DAP: variants seen among roughly 807,000 people sequenced by gnomAD.
DAP encodes the protein death associated protein, also known as death-associated protein 1.
Under a neutral mutation model 13.8 loss-of-function variants are expected in DAP, and 8 were observed. The observed-to-expected ratio is 0.58, with a 90% confidence interval of 0.34 to 1.05. The LOEUF is 1.05. Ranked by LOEUF, DAP falls within the 50% of genes least tolerant of loss-of-function variation. The pLI, the probability that DAP is intolerant of heterozygous loss-of-function variation, is 0.03. For missense variants in DAP, 106 were observed against 133.2 expected (o/e 0.80, Z 1.01); for synonymous variants, 47 against 47.5 (o/e 0.99, Z 0.04).
Position 10,681,129 on chromosome 5 carries a change from T to A in DAP, c.236A>T (p.His79Leu). 5.8e-6 allele frequency: 9 copies of A among 1,549,300 alleles called. No individual in the cohort carries two copies. The highest frequency in any genetic ancestry group is 7.8e-6 in the Non-Finnish European group (9 of 1,150,156). ...GTCCATGGAGGCATGCGGCTTCTGG[T>A]GAGCCACCTGCGCAGCCGCCGGGGG... The part of the protein sequence containing the change: ...DFPPAAAQVA[H>L]QKPHASMDKH... Residue 79 changes from histidine to leucine, a missense_variant, in exon 4 of 4, where the codon CAC becomes CTC. Coordinates refer to ENST00000230895, the MANE Select transcript of DAP (RefSeq NM_004394.3).
intron 3 of DAP, chr5:10,683,260 G>C: frequency 3.7e-6 from 2 of 535,354 alleles, no homozygotes; most frequent in Non-Finnish European, 6.7e-6. Context: ...TTGCTGATGG[G>C]AGTTCACTGG....
At chr5:10,711,314 A>C (rs1360680939) in intron 2 of DAP, among the ~76,000 whole-genome samples, 1 of 152,188 alleles carries the variant, frequency 6.6e-6, no homozygotes, top group Non-Finnish European at 1.5e-5. Flanking sequence ...TCAGAATTTC[A>C]TTTGAACTTT....
chr5:10,709,410 C>T (rs1738785096), intron 2 of DAP, among the ~76,000 whole-genome samples: 1 of 152,168 alleles, frequency 6.6e-6, no homozygotes, highest in African/African-American at 2.4e-5. Context: ...AGGACACTCC[C>T]AGAGTAACGA....
chr5:10,691,884 C>A (rs1457999206), intron 2 of DAP, among the ~76,000 whole-genome samples: 1 of 152,232 alleles, frequency 6.6e-6, no homozygotes, highest in Non-Finnish European at 1.5e-5. Context: ...GTCCATCTGG[C>A]AAGGACCACA....
At chr5:10,684,314 T>C (rs905362288) in intron 2 of DAP, among the ~76,000 whole-genome samples, 4 of 152,110 alleles carry the variant, frequency 2.6e-5, no homozygotes, top group African/African-American at 9.7e-5. Context: ...ACAGGGGAGA[T>C]TCTAGAGCCA....
intron 2 of DAP, among the ~76,000 whole-genome samples, chr5:10,730,375 T>A (rs944813209): frequency 6.6e-6 from 1 of 152,178 alleles, no homozygotes; most frequent in Non-Finnish European, 1.5e-5. Flanking sequence ...CCCTGTCCTA[T>A]ACAAATCTAC....
At chr5:10,751,206 G>A (rs944948762) in intron 1 of DAP, among the ~76,000 whole-genome samples, 2 of 152,028 alleles carry the variant, frequency 1.3e-5, no homozygotes, top group East Asian at 1.9e-4. Context: ...TTCCTTCTTC[G>A]TTTTGGGTTT....
At chr5:10,689,768 C>T (rs1738255682) in intron 2 of DAP, among the ~76,000 whole-genome samples, 1 of 152,154 alleles carries the variant, frequency 6.6e-6, no homozygotes. Flanking sequence ...GATGGCAAGA[C>T]TGAGGGTCTG....
chr5:10,729,857 G>C (rs1739390509), intron 2 of DAP, among the ~76,000 whole-genome samples: 1 of 152,224 alleles, frequency 6.6e-6, no homozygotes, highest in South Asian at 2.1e-4. Context: ...AACTGCCAGA[G>C]CCTGCCTGGC....
chr5:10,704,650 T>C (rs958956052), intron 2 of DAP, among the ~76,000 whole-genome samples: 2 of 152,158 alleles, frequency 1.3e-5, no homozygotes, highest in African/African-American at 4.8e-5. Flanking sequence ...ATAGAACAAA[T>C]GTAATCAGGG....
intron 2 of DAP, among the ~76,000 whole-genome samples, chr5:10,691,969 A>AC (rs1351117636): frequency 1.3e-5 from 2 of 152,228 alleles, no homozygotes; most frequent in African/African-American, 4.8e-5. Flanking sequence ...CTTAATGAAG[A>AC]TTTATACCTT....
chr5:10,708,426 A>G (rs1436234863), intron 2 of DAP, among the ~76,000 whole-genome samples: 1 of 135,140 alleles, frequency 7.4e-6, no homozygotes, highest in Admixed American at 7.9e-5. Context: ...ACAGGCATAC[A>G]CATATACACA....
Position 10,681,181 on chromosome 5 carries a change from C to T in DAP, c.196-12G>A. 6.7e-7 allele frequency: 1 copy of T among 1,485,054 alleles called. No homozygotes were observed. The highest frequency in any genetic ancestry group is 8.9e-7 in the Non-Finnish European group (1 of 1,117,628). The allele number at this position is 1,485,054 out of a possible 1,614,324, so 92.0% of individuals were successfully genotyped here. ...AAATCTTTGTCACCCTGTCAGGAAA[C>T]ACGGAAAGCTCAGGTTAATCAATAG... On this transcript the variant is annotated splice_polypyrimidine_tract_variant and intron_variant, in intron 3 of 3. Transcript: ENST00000230895.
chr5:10,703,410 G>T (rs546542675), intron 2 of DAP, among the ~76,000 whole-genome samples: 18 of 152,152 alleles, frequency 1.2e-4, no homozygotes, highest in African/African-American at 4.3e-4. Context: ...ACAGGCAGGG[G>T]GGGTGTCACC....
chr5:10,731,748 G>C (rs1216879684), intron 2 of DAP, among the ~76,000 whole-genome samples: 1 of 152,220 alleles, frequency 6.6e-6, no homozygotes, highest in African/African-American at 2.4e-5. Flanking sequence ...GGGGCTTCTG[G>C]CGAAGCTTTA....
In DAP at chr5:10,761,133, G is replaced by T. The variant is rs1265196617; in HGVS notation, c.-65C>A. ...GTTCTCGGGCCGGGCGGGCGTGCGC[G>T]AGTGAGCTCAGGTGTGAGCGCCGGG... On this transcript the variant is annotated 5_prime_UTR_variant, in exon 1 of 4. Coordinates refer to ENST00000230895, the MANE Select transcript of DAP (RefSeq NM_004394.3). 2.0e-6 allele frequency: 2 copies of T among 991,260 alleles called. No homozygotes were observed. The highest frequency in any genetic ancestry group is 3.5e-5 in the African/African-American group (2 of 57,880). The allele number at this position is 991,260 out of a possible 1,614,324, so 61.4% of individuals were successfully genotyped here.
At chr5:10,681,610 T>C (rs1467533253) in intron 3 of DAP, among the ~76,000 whole-genome samples, 2 of 136,022 alleles carry the variant, frequency 1.5e-5, no homozygotes, top group Admixed American at 7.5e-5. Context: ...CCCACCAGTG[T>C]CCCTGCAGGA....
chr5:10,688,581 C>CATTA (rs1738215055), intron 2 of DAP, among the ~76,000 whole-genome samples: 1 of 152,270 alleles, frequency 6.6e-6, no homozygotes, highest in African/African-American at 2.4e-5. Flanking sequence ...TGTACATATT[C>CATTA]ATTATTGAAA....
chr5:10,681,739 A>G (rs527609727), intron 3 of DAP, among the ~76,000 whole-genome samples: 1 of 150,692 alleles, frequency 6.6e-6, no homozygotes, highest in African/African-American at 2.5e-5. Flanking sequence ...CCCTACAGGA[A>G]GCATGGCAGT....
Sources: gnomAD v4.1 joint callset for allele counts (sites outside exome capture counted in the v4.1 genomes callset) on GRCh38, gnomAD v4.1.1 for gene constraint, MANE v1.5 for transcripts, NCBI Gene and HGNC (gene_info 2026-07-23, HGNC 2026-07-21) for gene names.